The following RAD51B variants were observed in gnomAD, a reference collection of about 807,000 sequenced individuals.
The protein encoded by RAD51B is RAD51 paralog B, also known as DNA repair protein RAD51 homolog 2.
A neutral mutation model predicts 42.2 loss-of-function variants in RAD51B; 38 were observed. The observed-to-expected ratio is 0.90, with a 90% CI of 0.70 to 1.18. The LOEUF is 1.18. Among genes scored for constraint, RAD51B ranks in the 50% most tolerant of loss-of-function variants. The probability of loss-of-function intolerance (pLI) is 0.00; values close to 1 mark genes in which losing one functional copy is unlikely to be tolerated. For missense variants in RAD51B, 373 were observed against 400.7 expected, an observed-to-expected ratio of 0.93 and a Z score of 0.59; for synonymous variants, 154 against 145.2, an observed-to-expected ratio of 1.06 and a Z score of -0.43.
chr14:68,494,879 A>T (rs1884382741), intron 10 of RAD51B, among the ~76,000 whole-genome samples: 1 of 152,038 alleles, frequency 6.6e-6, no homozygotes. Context: ...ACAGAAAAAA[A>T]TGGATCCATC....
At chr14:68,679,461 T>C (rs1367021167) in intron 11 of RAD51B, among the ~76,000 whole-genome samples, 1 of 152,234 alleles carries the variant, frequency 6.6e-6, no homozygotes, top group Non-Finnish European at 1.5e-5. Flanking sequence ...TACTTTACCT[T>C]CCACTGCCTC....
intron 10 of RAD51B, among the ~76,000 whole-genome samples, chr14:68,640,582 A>G (rs569252680): frequency 6.6e-6 from 1 of 152,332 alleles, no homozygotes; most frequent in South Asian, 2.1e-4. Flanking sequence ...GGCTGAAGAC[A>G]CAGAAGAAGC....
At chr14:68,624,535 G>T (rs138922025) in intron 10 of RAD51B, among the ~76,000 whole-genome samples, 240 of 152,180 alleles carry the variant, frequency 1.6e-3, no homozygotes, top group African/African-American at 5.5e-3. Context: ...CCCCCTAACC[G>T]CAGTTCCCTA....
chr14:68,597,106 TC>T (rs1482198374), downstream of RAD51B, among the ~76,000 whole-genome samples: 1 of 152,208 alleles, frequency 6.6e-6, no homozygotes, highest in African/African-American at 2.4e-5. Context: ...CCAGCTACTG[TC>T]ATTGACATGA....
chr14:67,967,478 GCTAGTTGTTTC>G (rs2074804492), intron 7 of RAD51B, among the ~76,000 whole-genome samples: 1 of 152,170 alleles, frequency 6.6e-6, no homozygotes, highest in South Asian at 2.1e-4. Flanking sequence ...TCAAAAGCAA[GCTAGTTGTTTC>G]CTAGACACAA....
intron 4 of RAD51B, among the ~76,000 whole-genome samples, chr14:67,837,847 T>A (rs539874479): frequency 3.9e-4 from 60 of 152,302 alleles, no homozygotes; most frequent in African/African-American, 1.4e-3. Flanking sequence ...TATAATAAAT[T>A]GTTGTAAATT....
intron 7 of RAD51B, among the ~76,000 whole-genome samples, chr14:67,999,195 CCAGTTTTTT>C (rs1200800429): frequency 6.6e-6 from 1 of 151,944 alleles, no homozygotes; most frequent in African/African-American, 2.4e-5. Flanking sequence ...GTATATTTTT[CCAGTTTTTT>C]CAGTGTTTAC....
chr14:67,995,863 C>G (rs561989859), intron 7 of RAD51B, among the ~76,000 whole-genome samples: 1 of 151,976 alleles, frequency 6.6e-6, no homozygotes, highest in African/African-American at 2.4e-5. Flanking sequence ...GTGATCCGCC[C>G]GCCTTGGCCT....
intron 7 of RAD51B, among the ~76,000 whole-genome samples, chr14:68,109,496 A>G (rs2077427666): frequency 6.6e-6 from 1 of 152,084 alleles, no homozygotes; most frequent in Non-Finnish European, 1.5e-5. Context: ...GAAGCTTACT[A>G]GAAAGAGAAG....
At position 68,556,178 on chromosome 14, in the gene RAD51B, G is replaced by C. The variant is rs139932288; in HGVS notation, c.1037-38307G>C. 3.8e-4 allele frequency among the ~76,000 whole-genome samples: 58 copies of C among 152,246 alleles called. 1 individual carries two copies. The highest frequency in any genetic ancestry group is 7.4e-4 in the Non-Finnish European group (50 of 68,012). On this transcript the variant is annotated intron_variant, in intron 10 of 10. Transcript: ENST00000487270. ...CTACTATATTCTGGACATCTTCTAG[G>C]CATGGGGAAACAGCAGGGAACAACA... is the stretch of plus-strand genomic sequence containing the variant.
chr14:68,501,588 C>T (rs763836409), intron 10 of RAD51B, among the ~76,000 whole-genome samples: 36 of 152,156 alleles, frequency 2.4e-4, no homozygotes, highest in Non-Finnish European at 4.1e-4. Flanking sequence ...CACTTTGAGG[C>T]TGGAGCCGGA....
At chr14:68,371,083 A>G (rs2009721) in intron 8 of RAD51B, among the ~76,000 whole-genome samples, 58,450 of 139,722 alleles carry the variant, frequency 0.42, 13,504 homozygotes, top group South Asian at 0.56. Flanking sequence ...ATTAAAAAAA[A>G]AGAATTATCT....
At position 68,478,072 on chromosome 14, in the gene RAD51B, G is replaced by T; in HGVS notation, c.*408G>T. ...TGTAATTACAGGAGGGAACATTTCC[G>T]AATAAAGTATTGTCTACCAGATAAA... On this transcript the variant is annotated 3_prime_UTR_variant, in exon 11 of 11. Transcript: ENST00000471583. 1 of 1,060,476 alleles carries T rather than the reference G, an allele frequency of 9.4e-7. No individual in the cohort carries two copies. Among genetic ancestry groups the T allele is most frequent in the Non-Finnish European group, 1.1e-6 (1 of 876,700 alleles). 65.7% of individuals were successfully genotyped at this position (1,060,476 alleles called of 1,614,324 possible). A position where few individuals can be genotyped will look rare whatever the true frequency, so the allele number is the denominator to read the frequency against.
At chr14:68,241,746 A>G (rs1014315940) in intron 7 of RAD51B, among the ~76,000 whole-genome samples, 1 of 151,900 alleles carries the variant, frequency 6.6e-6, no homozygotes, top group Non-Finnish European at 1.5e-5. Flanking sequence ...CAGCTCATGT[A>G]TGTTTTGTCT....
At chr14:68,335,256 C>G (rs1039568029) in intron 8 of RAD51B, among the ~76,000 whole-genome samples, 1 of 144,960 alleles carries the variant, frequency 6.9e-6, no homozygotes, top group African/African-American at 2.6e-5. Context: ...GAGATCGCAC[C>G]ACTGCACTCC....
chr14:68,657,571 CATCT>C (rs1289384900), intron 11 of RAD51B, among the ~76,000 whole-genome samples: 1 of 152,196 alleles, frequency 6.6e-6, no homozygotes, highest in East Asian at 1.9e-4. Context: ...GCTGATAGTC[CATCT>C]ATTAGGACTG....
At chr14:68,643,339 G>A (rs1249862631) in intron 10 of RAD51B, among the ~76,000 whole-genome samples, 1 of 152,126 alleles carries the variant, frequency 6.6e-6, no homozygotes, top group African/African-American at 2.4e-5. Flanking sequence ...GTTTTCTTTT[G>A]ATTAGTGTTA....
intron 10 of RAD51B, chr14:68,470,397 T>G (rs1369834197): frequency 2.3e-6 from 1 of 436,386 alleles, no homozygotes; most frequent in Non-Finnish European, 4.5e-6. Flanking sequence ...TCCCAAAGAC[T>G]TTGGGAAAAC....
chr14:68,266,382 T>C (rs1215829952), intron 7 of RAD51B, among the ~76,000 whole-genome samples: 1 of 152,208 alleles, frequency 6.6e-6, no homozygotes, highest in African/African-American at 2.4e-5. Context: ...GGGAGAACTT[T>C]GCAAGCCCTG....
Sources: allele counts gnomAD v4.1 joint callset (sites outside exome capture counted in the v4.1 genomes callset), GRCh38; gene constraint gnomAD v4.1.1; transcripts MANE v1.5; gene names NCBI Gene and HGNC (gene_info 2026-07-23, HGNC 2026-07-21).